The following C6 variants were observed in gnomAD, a reference collection of about 807,000 sequenced individuals.
C6 encodes the protein complement C6.
In C6, 101 loss-of-function variants were observed where a neutral mutation model predicts 112.9. The observed-to-expected ratio is 0.89, with a 90% CI of 0.76 to 1.06. The LOEUF is 1.06. C6 is among the 50% of genes least tolerant of loss of function. C6 has a pLI of 0.00. For missense variants in C6, 1,202 were observed against 1,104.6 expected (o/e 1.09, Z -1.25); for synonymous variants, 431 against 384.1 (o/e 1.12, Z -1.43).
intron 1 of C6, among the ~76,000 whole-genome samples, chr5:41,236,824 C>A (rs1401958811): frequency 1.6e-5 from 2 of 124,678 alleles, no homozygotes; most frequent in African/African-American, 3.2e-5. Flanking sequence ...ATTGATAGAC[C>A]GCTAGCAAGA....
In C6 at chr5:41,155,034, C is replaced by T; in HGVS notation, c.2039G>A (p.Gly680Glu). 6.2e-7 allele frequency: 1 copy of T among 1,613,366 alleles called. No individual in the cohort carries two copies. Among genetic ancestry groups the T allele is most frequent in the Non-Finnish European group, 8.5e-7 (1 of 1,179,382 alleles). Residue 680 changes from glycine to glutamate, a missense_variant, in exon 14 of 18, where the codon GGA becomes GAA. Physicochemically the swap from Gly to Glu is moderately conservative, Grantham distance 98. Coordinates refer to ENST00000337836, the MANE Select transcript of C6 (RefSeq NM_000065.5). ...ISCLTGFETV[G>E]YQYFRCLPDG... ...TGGTAAGCATCTGAAGTACTGGTAT[C>T]CAACAGTTTCAAAGCCAGTAAGGCA...
At chr5:41,187,335 C>T (rs1749853040) in intron 5 of C6, among the ~76,000 whole-genome samples, 1 of 152,002 alleles carries the variant, frequency 6.6e-6, no homozygotes, top group African/African-American at 2.4e-5. Context: ...CATTAACTCA[C>T]AAGACAAAAT....
chr5:41,175,571 G>T (rs764654963), intron 8 of C6, among the ~76,000 whole-genome samples: 3 of 152,168 alleles, frequency 2.0e-5, no homozygotes, highest in Non-Finnish European at 2.9e-5. Flanking sequence ...TTAACTAATA[G>T]TTGATTAAAG....
At chr5:41,240,221 G>A (rs1341430933) in intron 1 of C6, among the ~76,000 whole-genome samples, 1 of 152,114 alleles carries the variant, frequency 6.6e-6, no homozygotes, top group Admixed American at 6.5e-5. Flanking sequence ...AAGCTCTGGT[G>A]AGGTTTTGCT....
chr5:41,165,088 C>T (rs1009754066), intron 9 of C6, among the ~76,000 whole-genome samples: 1 of 152,134 alleles, frequency 6.6e-6, no homozygotes, highest in Non-Finnish European at 1.5e-5. Flanking sequence ...GGTTTTAAAA[C>T]ATGTACTCTT....
chr5:41,151,839 G>A (rs1382515089), intron 15 of C6, among the ~76,000 whole-genome samples: 2 of 149,836 alleles, frequency 1.3e-5, no homozygotes, highest in African/African-American at 4.9e-5. Context: ...GAAGGCTGCC[G>A]AAAGGCCACA....
intron 13 of C6, among the ~76,000 whole-genome samples, chr5:41,155,322 A>G (rs1360392898): frequency 6.6e-6 from 1 of 152,118 alleles, no homozygotes; most frequent in Non-Finnish European, 1.5e-5. Flanking sequence ...GGGCAACTTT[A>G]TAACTGGTCA....
intron 6 of C6, among the ~76,000 whole-genome samples, chr5:41,184,301 C>A (rs192291469): frequency 1.3e-5 from 2 of 152,142 alleles, no homozygotes; most frequent in East Asian, 3.9e-4. Context: ...ACTTTTAACC[C>A]ACTGTGTGGA....
chr5:41,225,682 C>A (rs181899035), intron 1 of C6, among the ~76,000 whole-genome samples: 1 of 152,130 alleles, frequency 6.6e-6, no homozygotes, highest in African/African-American at 2.4e-5. Flanking sequence ...ACAGTCCCAC[C>A]AACAGTGTAA....
chr5:41,212,597 G>A (rs773289425), intron 1 of C6, among the ~76,000 whole-genome samples: 1 of 152,014 alleles, frequency 6.6e-6, no homozygotes, highest in South Asian at 2.1e-4. Context: ...TTACACACAG[G>A]CATTTTACCC....
chr5:41,158,337 T>C (rs1021789890), intron 13 of C6, among the ~76,000 whole-genome samples: 2 of 152,182 alleles, frequency 1.3e-5, no homozygotes, highest in African/African-American at 4.8e-5. Flanking sequence ...CTCTAAACAT[T>C]CCTTAGGTAA....
At chr5:41,258,759 A>AG (rs1312109565) in intron 1 of C6, among the ~76,000 whole-genome samples, 1 of 152,204 alleles carries the variant, frequency 6.6e-6, no homozygotes, top group East Asian at 1.9e-4. Flanking sequence ...GGGAGACCTT[A>AG]GGAAAATTAA....
At chr5:41,164,414 G>A (rs1043197019) in intron 9 of C6, among the ~76,000 whole-genome samples, 43 of 152,260 alleles carry the variant, frequency 2.8e-4, no homozygotes, top group African/African-American at 9.6e-4. Context: ...AGTCAGGGCC[G>A]TTGTGCCATG....
intron 1 of C6, among the ~76,000 whole-genome samples, chr5:41,226,713 CT>C (rs1739531142): frequency 1.3e-5 from 2 of 152,116 alleles, no homozygotes; most frequent in Admixed American, 1.3e-4. Flanking sequence ...CAATGTTTGT[CT>C]TTCTTTGCAT....
At chr5:41,176,201 A>G (rs965459570) in intron 8 of C6, among the ~76,000 whole-genome samples, 1 of 152,178 alleles carries the variant, frequency 6.6e-6, no homozygotes, top group Non-Finnish European at 1.5e-5. Context: ...GTGTAAGCTT[A>G]TGATGTTCCC....
intron 7 of C6, among the ~76,000 whole-genome samples, chr5:41,177,435 T>C (rs1182145273): frequency 6.6e-6 from 1 of 152,188 alleles, no homozygotes; most frequent in African/African-American, 2.4e-5. Context: ...TAAAATCTCA[T>C]TTCCTCAGAT....
intron 17 of C6, among the ~76,000 whole-genome samples, chr5:41,148,823 G>A (rs1222464651): frequency 6.6e-6 from 1 of 152,218 alleles, no homozygotes; most frequent in Admixed American, 6.5e-5. Flanking sequence ...ATTTCAGGAA[G>A]ATGCTTTGGC....
At position 41,160,357 on chromosome 5, in the gene C6, A is replaced by G. The variant is rs753637650; in HGVS notation, c.1469T>C (p.Ile490Thr). Residue 490 changes from isoleucine to threonine, a missense_variant, in exon 11 of 18, where the codon ATC (isoleucine) becomes ACC (threonine). By Grantham distance (89) the Ile-to-Thr change is moderately conservative. Transcript: ENST00000337836. The part of the protein sequence containing the change: ...PAVIDFELAP[I>T]VDLVRNIPCA... ...GGGGATGTTTCTTACCAAGTCCACG[A>G]TGGGGGCAAGCTAGGAGAAAATGGG... 1 of 1,613,638 alleles carries G rather than the reference A, an allele frequency of 6.2e-7. No individual in the cohort carries two copies. Among genetic ancestry groups the G allele is most frequent in the East Asian group, 2.2e-5 (1 of 44,850 alleles).
In C6 at chr5:41,181,372, G is replaced by T. The variant is rs758587340; in HGVS notation, c.914C>A (p.Ala305Asp). The T allele has an allele frequency of 1.9e-6, 3 of 1,613,548 alleles. No individual in the cohort carries two copies. The highest frequency in any genetic ancestry group is 2.5e-6 in the Non-Finnish European group (3 of 1,179,698). ...HNSAFKQAIQ[A>D]SHKKDSSFIR... The stretch of plus-strand genomic sequence containing the variant: ...CATTTTTGATACCTTTTTGTGAGAG[G>T]CTTGAATGGCTTGTTTGAAGGCAGA... The change falls in exon 7 of 18, where the codon GCC becomes GAC. Residue 305 changes from alanine (A) to aspartate (D), a missense_variant. Ala to Asp is a moderately radical substitution (Grantham distance 126, BLOSUM62 -2). Coordinates refer to ENST00000337836, the MANE Select transcript of C6 (RefSeq NM_000065.5).
Sources: allele counts gnomAD v4.1 joint callset (sites outside exome capture counted in the v4.1 genomes callset), GRCh38; gene constraint gnomAD v4.1.1; transcripts MANE v1.5; gene names NCBI Gene and HGNC (gene_info 2026-07-23, HGNC 2026-07-21).